Variants in EVL observed in about 807,000 individuals in gnomAD.
EVL encodes Enah/Vasp-like, also known as ena/VASP-like protein.
In EVL, 21 loss-of-function variants were observed where a neutral mutation model predicts 59.6. That is an observed-to-expected ratio of 0.35 (90% CI 0.25 to 0.51). EVL has a LOEUF of 0.51. EVL is among the 20% of genes least tolerant of loss of function. The pLI, the probability that EVL is intolerant of heterozygous loss-of-function variation, is 0.97. For synonymous variants in EVL, 198 were observed against 203.5 expected, an observed-to-expected ratio of 0.97 and a Z score of 0.23; for missense variants, 462 against 546.6, an observed-to-expected ratio of 0.85 and a Z score of 1.54.
chr14:100,101,474 C>G (rs1445081060), intron 3 of EVL, among the ~76,000 whole-genome samples: 1 of 152,018 alleles, frequency 6.6e-6, no homozygotes, highest in Non-Finnish European at 1.5e-5. Context: ...GAGCGAAACT[C>G]TGTCTCAAAA....
chr14:99,985,960 C>T (rs1471561003), intron 1 of EVL, among the ~76,000 whole-genome samples: 1 of 151,878 alleles, frequency 6.6e-6, no homozygotes, highest in African/African-American at 2.4e-5. Flanking sequence ...AAAATGGAAA[C>T]ATACTAAACC....
chr14:100,050,111 A>G (rs1408300354), intron 1 of EVL, among the ~76,000 whole-genome samples: 1 of 152,178 alleles, frequency 6.6e-6, no homozygotes, highest in Admixed American at 6.5e-5. Context: ...AAGAATTGTA[A>G]ATCCAACAAC....
At chr14:100,081,331 G>C (rs1325349294) in intron 1 of EVL, among the ~76,000 whole-genome samples, 2 of 152,036 alleles carry the variant, frequency 1.3e-5, no homozygotes, top group Admixed American at 1.3e-4. Context: ...AATTTCAAAG[G>C]TATAATAAGC....
chr14:100,141,964 T>C, intron 13 of EVL, 171 bp downstream of exon 13: 1 of 543,660 alleles, frequency 1.8e-6, no homozygotes, highest in South Asian at 3.1e-5. Context: ...TCAGGAAAGC[T>C]GAAAGCTAAG....
chr14:100,035,174 G>T (rs562600350), intron 1 of EVL, among the ~76,000 whole-genome samples: 3 of 152,168 alleles, frequency 2.0e-5, no homozygotes, highest in African/African-American at 7.2e-5. Context: ...TATTTTTGGA[G>T]TTAAAATGAA....
At chr14:100,093,667 C>T (rs2062610985) in intron 2 of EVL, among the ~76,000 whole-genome samples, 1 of 152,220 alleles carries the variant, frequency 6.6e-6, no homozygotes. Context: ...AAAGGCTTCA[C>T]TGCACTCTCT....
rs1888352102 is a variant in EVL, at chr14:100,130,274, AT to A, written c.839+592del. ...GCAGCGGGTGTGGCTGCAGCCTGCC[AT>A]TGTGGCTCTCCGCTGTTCCCCAAAT... is the stretch of plus-strand genomic sequence containing the variant. On this transcript the variant is annotated intron_variant, in intron 7 of 13. Transcript: ENST00000392920. This position sits in a 1 kb window ranked among gnomAD's most constrained non-coding sequence, Gnocchi z 4.8. Among the ~76,000 whole-genome samples the A allele has an allele frequency of 1.3e-5, 2 of 152,216 alleles. No homozygotes were observed. Among genetic ancestry groups the A allele is most frequent in the Admixed American group, 1.3e-4 (2 of 15,290 alleles).
rs993633876 is a variant in EVL, at chr14:100,114,655, G to C, written c.359-8884G>C. The C allele has an allele frequency of 2.0e-5, 3 of 152,504 alleles. No individual in the cohort carries two copies. The highest frequency in any genetic ancestry group is 4.8e-5 in the African/African-American group (2 of 41,468). 9.4% of individuals were successfully genotyped at this position (152,504 alleles called of 1,614,324 possible). Reference sequence around the variant, plus strand: ...CGCGGAGCCCTGCCCGTGATGGTCAGCAGGGAGTGGGCCTTCCACTGCTTT... The same window carrying C: ...CGCGGAGCCCTGCCCGTGATGGTCACCAGGGAGTGGGCCTTCCACTGCTTT... On this transcript the variant is annotated intron_variant, in intron 3 of 13. Transcript: ENST00000392920. The surrounding 1 kb of genome is among the most constrained non-coding windows in gnomAD (Gnocchi z 5.0).
In EVL at chr14:100,109,364, GA is replaced by G. The variant is rs1209086678; in HGVS notation, c.358+11707del. ...GTGAAGCCTTCCCAGTGCCCCAGAA[GA>G]CCTCAGGCACCCCTTCCCAGTCCTC... On this transcript the variant is annotated intron_variant, in intron 3 of 13. Transcript: ENST00000392920. The surrounding 1 kb of genome is among the most constrained non-coding windows in gnomAD (Gnocchi z 4.3). 2 of 357,172 alleles carry G rather than the reference GA, an allele frequency of 5.6e-6. No homozygotes were observed. The highest frequency in any genetic ancestry group is 2.1e-5 in the African/African-American group (1 of 46,754). 22.1% of individuals were successfully genotyped at this position (357,172 alleles called of 1,614,324 possible).
intron 1 of EVL, among the ~76,000 whole-genome samples, chr14:100,026,615 TC>T: frequency 6.6e-6 from 1 of 152,224 alleles, no homozygotes; most frequent in Middle Eastern, 3.4e-3. Context: ...TCCTCCCAGT[TC>T]CCACGGCTCT....
intron 1 of EVL, among the ~76,000 whole-genome samples, chr14:100,003,846 A>C (rs571242261): frequency 6.6e-6 from 1 of 152,384 alleles, no homozygotes; most frequent in East Asian, 1.9e-4. Flanking sequence ...ACCAAAAGGC[A>C]AAAGAAGAGA....
chr14:100,043,265 G>GTA (rs200327736), intron 1 of EVL, among the ~76,000 whole-genome samples: 12 of 151,092 alleles, frequency 7.9e-5, no homozygotes, highest in Middle Eastern at 3.4e-3. Flanking sequence ...ATGTGTGTGT[G>GTA]TATATATATA....
At chr14:100,085,108 G>T in intron 2 of EVL, 1 of 356,798 alleles carries the variant, frequency 2.8e-6, no homozygotes, top group East Asian at 4.5e-5. Context: ...ATTTCACTGT[G>T]TTATTGTCAG....
At chr14:100,068,558 G>A (rs2061984759) in intron 1 of EVL, among the ~76,000 whole-genome samples, 1 of 152,214 alleles carries the variant, frequency 6.6e-6, no homozygotes, top group South Asian at 2.1e-4. Context: ...GGAGGCTACC[G>A]CAGTCATCCA....
At chr14:99,977,296 A>G (rs780880757) in intron 1 of EVL, 2 of 152,162 alleles carry the variant, frequency 1.3e-5, no homozygotes, top group Non-Finnish European at 1.5e-5. Context: ...GGGGGCAGGT[A>G]CTTTTATCTC....
At chr14:99,979,362 T>A (rs2060791648) in intron 1 of EVL, among the ~76,000 whole-genome samples, 1 of 152,228 alleles carries the variant, frequency 6.6e-6, no homozygotes, top group Non-Finnish European at 1.5e-5. Flanking sequence ...CTGCTTTTTT[T>A]AAAGATTTAG....
intron 1 of EVL, among the ~76,000 whole-genome samples, chr14:100,067,596 A>G (rs1353255510): frequency 2.6e-5 from 4 of 152,194 alleles, no homozygotes; most frequent in African/African-American, 7.2e-5. Flanking sequence ...GGTGTGGGCC[A>G]CCACACCCAG....
In EVL at chr14:100,040,730, G is replaced by T. The variant is rs557755907; in HGVS notation, c.6-43957G>T. On this transcript the variant is annotated intron_variant, in intron 1 of 13. Coordinates refer to the EVL transcript ENST00000402714. ...ACTCTTCATGACCTTTATTGCCTGT[G>T]TTTTTGGTCTGTAAGTAGCTCTGAG... is the stretch of plus-strand genomic sequence containing the variant. 2.1e-3 allele frequency among the ~76,000 whole-genome samples: 326 copies of T among 152,268 alleles called. 1 individual carries two copies. Among genetic ancestry groups the T allele is most frequent in the Non-Finnish European group, 4.0e-3 (269 of 68,026 alleles).
rs2146027 is a variant in EVL, at chr14:100,114,800, G to T, written c.359-8739G>T. Among the ~76,000 whole-genome samples, 4 of 151,738 alleles carry T rather than the reference G, an allele frequency of 2.6e-5. No individual in the cohort carries two copies. The highest frequency in any genetic ancestry group is 1.3e-4 in the Admixed American group (2 of 15,256). ...TTTCACTCCCACCTGCTCCGGGGGT[G>T]GGGGTGGGAGTGCTGGATCTTGGGG... On this transcript the variant is annotated intron_variant, in intron 3 of 13. Coordinates refer to ENST00000392920, the MANE Select transcript of EVL (RefSeq NM_016337.3). The surrounding 1 kb of genome is among the most constrained non-coding windows in gnomAD (Gnocchi z 5.0).
Sources: gnomAD v4.1 joint callset for allele counts (sites outside exome capture counted in the v4.1 genomes callset) on GRCh38, gnomAD v4.1.1 for gene constraint, Gnocchi (gnomAD v3.1) non-coding constraint, MANE v1.5 for transcripts, NCBI Gene and HGNC (gene_info 2026-07-23, HGNC 2026-07-21) for gene names.